The following BRSK2 variants were observed in gnomAD, a reference collection of about 807,000 sequenced individuals.
BRSK2 encodes BR serine/threonine kinase 2, also known as serine/threonine-protein kinase BRSK2.
Under a neutral mutation model 83.3 loss-of-function variants are expected in BRSK2, and 19 were observed. The ratio of observed to expected loss-of-function variants is 0.23; its 90% CI spans 0.16 to 0.33. The LOEUF (loss-of-function observed/expected upper bound fraction) is 0.33, where lower values mean the gene tolerates loss of function less well. BRSK2 is among the 10% of genes least tolerant of loss of function. The pLI is 1.00. For synonymous variants in BRSK2, 519 were observed against 435.4 expected (o/e 1.19, Z -2.39); for missense variants, 798 against 1,042.3 (o/e 0.77, Z 3.23).
Position 1,390,583 on chromosome 11 carries a change from G to T in BRSK2, c.91+208G>T, listed in dbSNP as rs1380925121. 6.8e-6 allele frequency among the ~76,000 whole-genome samples: 1 copy of T among 146,348 alleles called. No homozygotes were observed. The highest frequency in any genetic ancestry group is 1.5e-5 in the Non-Finnish European group (1 of 65,864). ...CAGGCCGCTTGGCTGCGGTCGGCCG[G>T]GCGCGGCCCAAGGACACGCGGCGCG... On this transcript the variant is annotated intron_variant, in intron 1 of 19. Coordinates refer to ENST00000528841, the MANE Select transcript of BRSK2 (RefSeq NM_001256627.2). The surrounding 1 kb of genome is among the most constrained non-coding windows in gnomAD (Gnocchi z 6.8).
At chr11:1,436,182 G>C in intron 2 of BRSK2, 48 bp downstream of exon 2, 1 of 716,566 alleles carries the variant, frequency 1.4e-6, no homozygotes, top group East Asian at 8.0e-5. Context: ...GGGTGGGGCG[G>C]GGAATAGCAC....
intron 10 of BRSK2, 46 bp downstream of exon 10, chr11:1,445,504 G>A (rs1193158272): frequency 1.9e-6 from 3 of 1,607,176 alleles, no homozygotes; most frequent in Non-Finnish European, 1.7e-6. Flanking sequence ...CCTGAGGTGG[G>A]AGCGCTGCCC....
rs970778996 is a variant in BRSK2 at position 1,460,966 on chromosome 11, C to A, written c.*243C>A. ...AGCATCGCTTGTTTCCACTCTGATA[C>A]CAGGAATTATCCCGAAAAGTTAACA... On this transcript the variant is annotated 3_prime_UTR_variant, in exon 20 of 20. Transcript: ENST00000528841. 3 of 1,612,490 alleles carry A rather than the reference C, an allele frequency of 1.9e-6. No individual in the cohort carries two copies. The highest frequency in any genetic ancestry group is 2.5e-6 in the Non-Finnish European group (3 of 1,179,412).
chr11:1,444,895 C>T, intron 8 of BRSK2, 76 bp from the exon 9 acceptor site: 1 of 1,384,424 alleles, frequency 7.2e-7, no homozygotes. Context: ...AGCGCCCCTG[C>T]CTTCCCCCTC....
chr11:1,411,433 G>A lies in BRSK2; in HGVS notation c.91+21058G>A, dbSNP rs907892700. On this transcript the variant is annotated intron_variant, in intron 1 of 19. Transcript: ENST00000528841. ...AGCCCTGAGGGCCACCCCAGCCGAT[G>A]GGCACGTCCCCGCCGGCCCTGCATC... 2.7e-6 allele frequency: 4 copies of A among 1,467,754 alleles called. No homozygotes were observed. In the African/African-American group the frequency reaches 5.9e-5, roughly 21 times the overall value. 90.9% of individuals were successfully genotyped at this position (1,467,754 alleles called of 1,614,324 possible). A position where few individuals can be genotyped will look rare whatever the true frequency, so the allele number is the denominator to read the frequency against.
intron 15 of BRSK2, 91 bp downstream of exon 15, chr11:1,451,510 G>A: frequency 1.5e-6 from 2 of 1,372,100 alleles, no homozygotes; most frequent in Middle Eastern, 1.8e-4. Context: ...CCAACGGGGT[G>A]CTCCTTCTCC....
At position 1,423,963 on chromosome 11, in the gene BRSK2, G is replaced by C. The variant is rs546689205; in HGVS notation, c.92-12077G>C. Among the ~76,000 whole-genome samples, 5 of 151,990 alleles carry C rather than the reference G, an allele frequency of 3.3e-5. No homozygotes were observed. The highest frequency in any genetic ancestry group is 1.2e-4 in the African/African-American group (5 of 41,328). ...GCCACACTTTCCTCGGCCTTTCTCT[G>C]ATAGGAAGGCTGGTAGTTGGGTTTA... On this transcript the variant is annotated intron_variant, in intron 1 of 19. Coordinates refer to ENST00000528841, the MANE Select transcript of BRSK2 (RefSeq NM_001256627.2). The surrounding 1 kb of genome is among the most constrained non-coding windows in gnomAD (Gnocchi z 6.5).
intron 12 of BRSK2, among the ~76,000 whole-genome samples, chr11:1,448,305 T>C (rs1196198612): frequency 6.6e-6 from 1 of 152,116 alleles, no homozygotes; most frequent in Admixed American, 6.5e-5. Context: ...GGGGCCAGTT[T>C]TGCGAGCCTG....
intron 15 of BRSK2, chr11:1,453,777 C>G (rs1846102015): frequency 6.6e-6 from 1 of 152,308 alleles, no homozygotes; most frequent in African/African-American, 2.4e-5. Context: ...CTCTGCCTCT[C>G]AGCACACCTG....
In BRSK2 at chr11:1,460,532, AAAC is replaced by A. The variant is rs1167703761; in HGVS notation, c.2024_2026del (p.Gln675del). ...ATTGAGTAACTTCTTTGACGTAATT[AAAC>A]AACTTTTTTCAGACGAGAAGAACGG... On this transcript the variant is annotated inframe_deletion, in exon 20 of 20. Coordinates refer to ENST00000528841, the MANE Select transcript of BRSK2 (RefSeq NM_001256627.2). The A allele has an allele frequency of 9.9e-6, 15 of 1,517,400 alleles. No homozygotes were observed. In the Admixed American group the frequency reaches 1.6e-4, roughly 16 times the overall value. The allele number at this position is 1,517,400 out of a possible 1,614,324, so 94.0% of individuals were successfully genotyped here.
chr11:1,449,376 G>C (rs529360365), intron 12 of BRSK2, among the ~76,000 whole-genome samples: 6 of 152,186 alleles, frequency 3.9e-5, no homozygotes, highest in Admixed American at 6.5e-5. Context: ...GCTCAGCCAG[G>C]GGGGGCTTGG....
chr11:1,458,459 GC>G (rs938624743), intron 18 of BRSK2, among the ~76,000 whole-genome samples: 3 of 151,894 alleles, frequency 2.0e-5, no homozygotes, highest in Admixed American at 6.6e-5. Context: ...TCCCAGCCCT[GC>G]CCCCCTCCCA....
chr11:1,396,586 G>A (rs75488410), intron 1 of BRSK2, among the ~76,000 whole-genome samples: 31 of 152,240 alleles, frequency 2.0e-4, no homozygotes, highest in African/African-American at 4.1e-4. Context: ...GGCCACTGGC[G>A]CTCAGGAGGA....
At chr11:1,443,709 C>T (rs1851657770) in intron 8 of BRSK2, 74 bp downstream of exon 8, 8 of 1,376,904 alleles carry the variant, frequency 5.8e-6, no homozygotes, top group Non-Finnish European at 7.7e-6. Context: ...CCTGTGTGTG[C>T]ACAGGTGTGT....
chr11:1,396,936 T>C (rs1320067558), intron 1 of BRSK2, among the ~76,000 whole-genome samples: 1 of 151,908 alleles, frequency 6.6e-6, no homozygotes, highest in Non-Finnish European at 1.5e-5. Flanking sequence ...GGCCCCTGAG[T>C]GTAGAATGGG....
Position 1,459,499 on chromosome 11 carries a change from C to T in BRSK2, c.1987+260C>T, listed in dbSNP as rs145776089. 1.4e-3 allele frequency: 746 copies of T among 517,756 alleles called. 7 individuals carry two copies. The highest frequency in any genetic ancestry group is 0.013 in the African/African-American group (681 of 52,118). 32.1% of individuals were successfully genotyped at this position (517,756 alleles called of 1,614,324 possible). A position where few individuals can be genotyped will look rare whatever the true frequency, so the allele number is the denominator to read the frequency against. On this transcript the variant is annotated intron_variant, in intron 19 of 19. Coordinates refer to ENST00000528841, the MANE Select transcript of BRSK2 (RefSeq NM_001256627.2). ...GGATCAGGGCAGGCCCAAGAAGGGG[C>T]TCCCAAGGCCTGAAGCCAGTGAGGG...
intron 1 of BRSK2, among the ~76,000 whole-genome samples, chr11:1,418,628 C>T (rs2134175191): frequency 6.6e-6 from 1 of 152,370 alleles, no homozygotes; most frequent in Admixed American, 6.5e-5. Context: ...CACACTGTGT[C>T]CTGCTTCTGT....
rs1005779282 is a variant in BRSK2 at position 1,443,256 on chromosome 11, G to A, written c.565-79G>A. Reference sequence around the variant, plus strand: ...CTGCTAGGCTGCCTGTCCCCGGGCCGACTCCCTCTGAGCCCAGGCCCTCCA... The same window carrying A: ...CTGCTAGGCTGCCTGTCCCCGGGCCAACTCCCTCTGAGCCCAGGCCCTCCA... On this transcript the variant is annotated intron_variant, in intron 6 of 19. Transcript: ENST00000528841. 131 of 1,526,830 alleles carry A rather than the reference G, an allele frequency of 8.6e-5. 1 individual carries two copies. The highest frequency in any genetic ancestry group is 6.9e-4 in the Middle Eastern group (3 of 4,364). The allele number at this position is 1,526,830 out of a possible 1,614,324, so 94.6% of individuals were successfully genotyped here. A position where few individuals can be genotyped will look rare whatever the true frequency, so the allele number is the denominator to read the frequency against.
chr11:1,422,731 C>A (rs530074637), intron 1 of BRSK2, among the ~76,000 whole-genome samples: 1 of 152,178 alleles, frequency 6.6e-6, no homozygotes, highest in African/African-American at 2.4e-5. Context: ...GTCCAAGGCT[C>A]GGCTGCCTGT....
Sources: gnomAD v4.1 joint callset for allele counts (sites outside exome capture counted in the v4.1 genomes callset) on GRCh38, gnomAD v4.1.1 for gene constraint, Gnocchi (gnomAD v3.1) non-coding constraint, MANE v1.5 for transcripts, NCBI Gene and HGNC (gene_info 2026-07-23, HGNC 2026-07-21) for gene names.